Variants in NELL2 observed in about 807,000 individuals in gnomAD.
NELL2 encodes neural EGFL like 2.
Under a neutral mutation model 109.6 loss-of-function variants are expected in NELL2, and 41 were observed. That is an observed-to-expected ratio of 0.37 (90% confidence interval 0.29 to 0.49). The LOEUF (loss-of-function observed/expected upper bound fraction) is 0.49, where lower values mean the gene tolerates loss of function less well. NELL2 is among the 20% of genes least tolerant of loss of function. The pLI, the probability that NELL2 is intolerant of heterozygous loss-of-function variation, is 0.98. For missense variants in NELL2, 900 were observed against 1,008.3 expected, an observed-to-expected ratio of 0.89 and a Z score of 1.45; for synonymous variants, 355 against 344.7, an observed-to-expected ratio of 1.03 and a Z score of -0.33.
At chr12:44,683,636 C>T (rs199831426) in intron 12 of NELL2, among the ~76,000 whole-genome samples, 8,768 of 151,684 alleles carry the variant, frequency 0.058, 798 homozygotes, top group African/African-American at 0.2. Context: ...TGAAGGGTTG[C>T]TGAATTTTGT....
At chr12:44,888,605 T>C (rs1411733912) in intron 1 of NELL2, among the ~76,000 whole-genome samples, 1 of 151,782 alleles carries the variant, frequency 6.6e-6, no homozygotes, top group African/African-American at 2.4e-5. Context: ...AGAAGCAATA[T>C]ATCAAACTGG....
At chr12:44,737,929 T>TA in intron 9 of NELL2, among the ~76,000 whole-genome samples, 1 of 151,160 alleles carries the variant, frequency 6.6e-6, no homozygotes, top group East Asian at 1.9e-4. Flanking sequence ...ATTAACAAGG[T>TA]AAAAATACAG....
intron 2 of NELL2, among the ~76,000 whole-genome samples, chr12:44,866,708 A>C (rs1254783410): frequency 6.6e-6 from 1 of 152,140 alleles, no homozygotes; most frequent in Non-Finnish European, 1.5e-5. Flanking sequence ...AATGAAGATA[A>C]ACAAAATTGA....
intron 13 of NELL2, among the ~76,000 whole-genome samples, chr12:44,630,651 T>A (rs1316912499): frequency 1.3e-5 from 2 of 152,136 alleles, no homozygotes; most frequent in Admixed American, 1.3e-4. Flanking sequence ...TCCAGGGTCA[T>A]GTCCCATCAC....
intron 2 of NELL2, among the ~76,000 whole-genome samples, chr12:44,824,048 T>C (rs901433807): frequency 6.6e-6 from 1 of 152,196 alleles, no homozygotes; most frequent in South Asian, 2.1e-4. Flanking sequence ...TGAGAAATGT[T>C]ATTTAGGTTC....
intron 9 of NELL2, among the ~76,000 whole-genome samples, chr12:44,766,022 G>C (rs560392630): frequency 1.1e-4 from 16 of 151,934 alleles, no homozygotes; most frequent in Admixed American, 9.2e-4. Flanking sequence ...GGAGGTGGAG[G>C]CTGCAGTGAG....
chr12:44,676,582 T>C (rs1434594059), intron 12 of NELL2, among the ~76,000 whole-genome samples: 1 of 152,118 alleles, frequency 6.6e-6, no homozygotes, highest in African/African-American at 2.4e-5. Flanking sequence ...GGCCACAAAT[T>C]TGCTTCATTC....
intron 3 of NELL2, among the ~76,000 whole-genome samples, chr12:44,810,402 T>C (rs188442163): frequency 9.9e-5 from 15 of 152,122 alleles, no homozygotes; most frequent in African/African-American, 3.1e-4. Context: ...AATGTCAGAA[T>C]TATAGGCAGT....
intron 9 of NELL2, among the ~76,000 whole-genome samples, chr12:44,769,296 C>T (rs1217111895): frequency 6.6e-6 from 1 of 152,076 alleles, no homozygotes; most frequent in African/African-American, 2.4e-5. Flanking sequence ...AAAATACTTA[C>T]TCTTACTTTT....
At chr12:44,892,133 C>T (rs1945541473) in intron 1 of NELL2, among the ~76,000 whole-genome samples, 2 of 152,116 alleles carry the variant, frequency 1.3e-5, no homozygotes, top group African/African-American at 4.8e-5. Flanking sequence ...AGTAGAATTT[C>T]CTTACATCTT....
chr12:44,696,612 A>C (rs925759421), intron 12 of NELL2, among the ~76,000 whole-genome samples: 1 of 152,214 alleles, frequency 6.6e-6, no homozygotes, highest in African/African-American at 2.4e-5. Context: ...ATAGAAATCA[A>C]TTTAAAACTC....
chr12:44,626,060 A>G (rs1195023204), intron 13 of NELL2, among the ~76,000 whole-genome samples: 3 of 152,178 alleles, frequency 2.0e-5, no homozygotes, highest in Non-Finnish European at 4.4e-5. Context: ...TAAGTTTAAA[A>G]GCGCATGATT....
At chr12:44,678,189 G>A (rs778251201) in intron 12 of NELL2, among the ~76,000 whole-genome samples, 2 of 152,036 alleles carry the variant, frequency 1.3e-5, no homozygotes, top group Non-Finnish European at 2.9e-5. Context: ...GAGTGTTGGA[G>A]AGACAAATGT....
At chr12:44,622,029 G>C (rs1946079229) in intron 13 of NELL2, among the ~76,000 whole-genome samples, 1 of 152,124 alleles carries the variant, frequency 6.6e-6, no homozygotes, top group South Asian at 2.1e-4. Flanking sequence ...GAAAATGTTA[G>C]TATAGATCTT....
At chr12:44,721,610 G>C (rs889169359) in intron 9 of NELL2, among the ~76,000 whole-genome samples, 1 of 149,392 alleles carries the variant, frequency 6.7e-6, no homozygotes, top group African/African-American at 2.4e-5. Flanking sequence ...GTTTAACTTT[G>C]TGTAACTTTT....
At chr12:44,919,764 A>G (rs1945855587) in intron 1 of NELL2, among the ~76,000 whole-genome samples, 1 of 152,194 alleles carries the variant, frequency 6.6e-6, no homozygotes, top group African/African-American at 2.4e-5. Context: ...TTAATCTCAG[A>G]CTTCCAGCCC....
intron 9 of NELL2, among the ~76,000 whole-genome samples, chr12:44,745,221 T>C (rs1940264287): frequency 6.6e-6 from 1 of 151,848 alleles, no homozygotes; most frequent in South Asian, 2.1e-4. Context: ...TCTCAACAGA[T>C]GCAGAAAAGG....
chr12:44,770,364 T>C (rs937608465), intron 9 of NELL2, among the ~76,000 whole-genome samples: 1 of 152,258 alleles, frequency 6.6e-6, no homozygotes, highest in South Asian at 2.1e-4. Context: ...ATTATACATA[T>C]GAGGCAACTG....
chr12:44,792,262 A>G (rs1384497578), intron 3 of NELL2, among the ~76,000 whole-genome samples: 1 of 152,192 alleles, frequency 6.6e-6, no homozygotes. Flanking sequence ...GGTTCAAGAG[A>G]GAATGGCAAA....
Sources: allele counts gnomAD v4.1 joint callset (sites outside exome capture counted in the v4.1 genomes callset), GRCh38; gene constraint gnomAD v4.1.1; transcripts MANE v1.5; gene names NCBI Gene and HGNC (gene_info 2026-07-23, HGNC 2026-07-21).